The following MEIOSIN variants were observed in gnomAD, a reference collection of about 807,000 sequenced individuals.
MEIOSIN encodes the protein meiosis initiator.
A neutral mutation model predicts 23.4 loss-of-function variants in MEIOSIN; 18 were observed. That is an observed-to-expected ratio of 0.77 (90% CI 0.53 to 1.14). The LOEUF (loss-of-function observed/expected upper bound fraction) is 1.14, where lower values mean the gene tolerates loss of function less well. Ranked by LOEUF, MEIOSIN falls within the 50% of genes most tolerant of loss-of-function variation. The pLI, the probability that MEIOSIN is intolerant of heterozygous loss-of-function variation, is 0.00. For synonymous variants in MEIOSIN, 187 were observed against 100.6 expected (o/e 1.86, Z -5.14); for missense variants, 428 against 242.9 (o/e 1.76, Z -5.07).
chr19:45,742,048 G>T (rs1968515499), intron 3 of MEIOSIN, among the ~76,000 whole-genome samples: 1 of 151,892 alleles, frequency 6.6e-6, no homozygotes, highest in Non-Finnish European at 1.5e-5. Flanking sequence ...GCTAATTTTT[G>T]TATTTTTAGT....
intron 6 of MEIOSIN, among the ~76,000 whole-genome samples, chr19:45,754,095 G>A (rs780079707): frequency 6.6e-6 from 1 of 152,254 alleles, no homozygotes; most frequent in East Asian, 1.9e-4. Flanking sequence ...TCCTGCCTCA[G>A]CCTCATGAGT....
chr19:45,749,931 C>A (rs1351695867), intron 4 of MEIOSIN, among the ~76,000 whole-genome samples: 1 of 147,914 alleles, frequency 6.8e-6, no homozygotes, highest in East Asian at 2.0e-4. Context: ...TTGAACCTGG[C>A]AGGCAGAAGT....
rs139827608 is a variant in MEIOSIN, at chr19:45,734,631, G to C, written c.1-746G>C. ...CCATCCCCCCACCTCAGGCTCCCAA[G>C]TAGCTGGGACTACAAGCATGTGCCA... On this transcript the variant is annotated intron_variant, in intron 1 of 14. Transcript: ENST00000457052. Among the ~76,000 whole-genome samples the C allele has an allele frequency of 4.4e-3, 667 of 151,800 alleles. 2 individuals are homozygous for C. Among genetic ancestry groups the C allele is most frequent in the South Asian group, 0.017 (84 of 4,812 alleles).
chr19:45,738,931 G>A (rs1439942472), intron 2 of MEIOSIN, among the ~76,000 whole-genome samples: 1 of 152,170 alleles, frequency 6.6e-6, no homozygotes. Context: ...TATTGATAAA[G>A]ACTGTTAGTT....
intron 7 of MEIOSIN, among the ~76,000 whole-genome samples, chr19:45,755,637 C>G (rs542105143): frequency 6.6e-6 from 1 of 152,122 alleles, no homozygotes; most frequent in South Asian, 2.1e-4. Context: ...TTAGTAGAGA[C>G]GGGGTTTCAC....
intron 1 of MEIOSIN, among the ~76,000 whole-genome samples, chr19:45,734,041 G>A (rs1968368324): frequency 6.6e-6 from 1 of 152,154 alleles, no homozygotes; most frequent in Admixed American, 6.6e-5. Context: ...TTAGTTCTGA[G>A]TTATGATGTA....
rs559145513 is a variant in MEIOSIN at position 45,754,595 on chromosome 19, C to T, written c.673C>T (p.Pro225Ser). Residue 225 changes from proline (P) to serine (S), a missense_variant, in exon 7 of 15, where the codon CCA becomes TCA. Physicochemically the swap from Pro to Ser is moderately conservative, Grantham distance 74. Transcript: ENST00000457052. ...TGGCACAGGGGGGACCACTACCCCT[C>T]CAAGGTGCCCTGACTCCTGCGGTCA... Reference protein sequence around the residue: ...GSGTGGTTTPPRCPDSCGHPR... With the variant: ...GSGTGGTTTPSRCPDSCGHPR... 5.6e-4 allele frequency: 395 copies of T among 703,106 alleles called. 3 individuals are homozygous for T. The South Asian group carries it at 5.6e-3, about 10-fold the overall frequency. 43.6% of individuals were successfully genotyped at this position (703,106 alleles called of 1,614,324 possible). A position where few individuals can be genotyped will look rare whatever the true frequency, so the allele number is the denominator to read the frequency against.
At chr19:45,740,581 T>C (rs1040963971) in intron 3 of MEIOSIN, among the ~76,000 whole-genome samples, 3 of 151,906 alleles carry the variant, frequency 2.0e-5, no homozygotes, top group Non-Finnish European at 4.4e-5. Context: ...AAACCCCGTC[T>C]CTACTAAAAA....
chr19:45,762,424 T>A (rs927849656), intron 13 of MEIOSIN, among the ~76,000 whole-genome samples: 1 of 152,280 alleles, frequency 6.6e-6, no homozygotes, highest in South Asian at 2.1e-4. Context: ...AAAGGAGTTT[T>A]TTTTGTTTTG....
At position 45,754,336 on chromosome 19, in the gene MEIOSIN, C is replaced by A. The variant is rs1296601679; in HGVS notation, c.557-143C>A. On this transcript the variant is annotated intron_variant, in intron 6 of 14. Transcript: ENST00000457052. ...GGTGGACAGGGGTTGAACAAAGAGG[C>A]CTGTGATTGAGGATCTGGGCATTCC... 4 of 600,066 alleles carry A rather than the reference C, an allele frequency of 6.7e-6. No homozygotes were observed. In the East Asian group the frequency reaches 8.3e-5, roughly 12 times the overall value. The allele number at this position is 600,066 out of a possible 1,614,324, so 37.2% of individuals were successfully genotyped here.
intron 10 of MEIOSIN, 96 bp from the exon 11 acceptor site, chr19:45,759,318 G>T: frequency 1.5e-6 from 1 of 679,494 alleles, no homozygotes; most frequent in Non-Finnish European, 2.7e-6. Context: ...GAACGCCAGA[G>T]ACGGGGACTC....
At chr19:45,742,425 A>T (rs1252439596) in intron 3 of MEIOSIN, among the ~76,000 whole-genome samples, 2 of 152,002 alleles carry the variant, frequency 1.3e-5, no homozygotes, top group Admixed American at 6.6e-5. Flanking sequence ...GGTTACAGTG[A>T]GCTATGATTG....
At chr19:45,754,296 A>G (rs1046877054) in intron 6 of MEIOSIN, among the ~76,000 whole-genome samples, 183 bp from the exon 7 acceptor site, 3 of 152,182 alleles carry the variant, frequency 2.0e-5, no homozygotes, top group African/African-American at 7.2e-5. Context: ...TAAAGGTCGC[A>G]AGATGATTCT....
chr19:45,747,789 GAGAA>G (rs1968621467), intron 4 of MEIOSIN, among the ~76,000 whole-genome samples: 1 of 152,198 alleles, frequency 6.6e-6, no homozygotes, highest in Non-Finnish European at 1.5e-5. Context: ...GAGAGACAGA[GAGAA>G]AGAGAGAGGG....
chr19:45,735,692 T>C (rs1245030724), intron 2 of MEIOSIN, among the ~76,000 whole-genome samples: 1 of 152,108 alleles, frequency 6.6e-6, no homozygotes, highest in African/African-American at 2.4e-5. Flanking sequence ...TTATTTATTT[T>C]TGAGACAGGG....
rs368627499 is a variant in MEIOSIN at position 45,746,159 on chromosome 19, G to T, written c.306+838G>T. On this transcript the variant is annotated intron_variant, in intron 4 of 14. Coordinates refer to ENST00000457052, the MANE Select transcript of MEIOSIN (RefSeq NM_001310124.2). The stretch of plus-strand genomic sequence containing the variant: ...TTTTTGTAGTTTTGGTAGAGACGAG[G>T]TTTTACCATGTTGCCCAGGCTAGTC... Among the ~76,000 whole-genome samples, 107 of 151,956 alleles carry T rather than the reference G, an allele frequency of 7.0e-4. 3 individuals carry two copies. Among genetic ancestry groups the T allele is most frequent in the African/African-American group, 2.4e-3 (101 of 41,380 alleles).
chr19:45,745,355 G>A (rs1968574969), intron 4 of MEIOSIN, 34 bp downstream of exon 4: 1 of 692,132 alleles, frequency 1.4e-6, no homozygotes. Flanking sequence ...CCAGATTTGG[G>A]ACGCAGGTCT....
At chr19:45,756,971 A>C (rs1284877079) in intron 8 of MEIOSIN, among the ~76,000 whole-genome samples, 1 of 152,072 alleles carries the variant, frequency 6.6e-6, no homozygotes, top group Non-Finnish European at 1.5e-5. Context: ...CTGGCTCATC[A>C]TCCTCCAGCG....
chr19:45,741,375 T>C (rs1968502444), intron 3 of MEIOSIN, among the ~76,000 whole-genome samples: 1 of 151,792 alleles, frequency 6.6e-6, no homozygotes, highest in Non-Finnish European at 1.5e-5. Context: ...ATATTAACAA[T>C]TGTGGTTTAT....
Sources: gnomAD v4.1 joint callset for allele counts (sites outside exome capture counted in the v4.1 genomes callset) on GRCh38, gnomAD v4.1.1 for gene constraint, MANE v1.5 for transcripts, NCBI Gene and HGNC (gene_info 2026-07-23, HGNC 2026-07-21) for gene names.